CTNNA3: variants seen among roughly 807,000 people sequenced by gnomAD.
CTNNA3 encodes catenin alpha 3, also known as catenin alpha-3.
Under a neutral mutation model 95.7 loss-of-function variants are expected in CTNNA3, and 76 were observed. The observed-to-expected ratio is 0.79, with a 90% CI of 0.66 to 0.96. The LOEUF (loss-of-function observed/expected upper bound fraction) is 0.96. CTNNA3 is among the 40% of genes least tolerant of loss of function. The pLI is 0.00. For missense variants in CTNNA3, 1,191 were observed against 1,089.8 expected, an observed-to-expected ratio of 1.09 and a Z score of -1.31; for synonymous variants, 431 against 374.4, an observed-to-expected ratio of 1.15 and a Z score of -1.74.
In CTNNA3 at chr10:66,331,985, G is replaced by T. The variant is rs150355988; in HGVS notation, c.1732+47167C>A. The stretch of plus-strand genomic sequence containing the variant: ...TATCGTCTTTTATTTGGATTCCTAG[G>T]TATTTTATTCTCTTTGAAGCAATTG... On this transcript the variant is annotated intron_variant, in intron 12 of 17. Transcript: ENST00000433211. 6.6e-5 allele frequency among the ~76,000 whole-genome samples: 10 copies of T among 151,638 alleles called. 1 individual carries two copies. Among genetic ancestry groups the T allele is most frequent in the South Asian group, 2.1e-4 (1 of 4,820 alleles).
intron 15 of CTNNA3, among the ~76,000 whole-genome samples, chr10:66,036,817 C>T (rs2079571980): frequency 6.7e-6 from 1 of 150,258 alleles, no homozygotes; most frequent in South Asian, 2.1e-4. Context: ...GACTATATTA[C>T]AGAGACTTAT....
At chr10:66,646,452 T>A (rs1182505251) in intron 9 of CTNNA3, among the ~76,000 whole-genome samples, 1 of 152,104 alleles carries the variant, frequency 6.6e-6, no homozygotes, top group Non-Finnish European at 1.5e-5. Flanking sequence ...AGTGCTGACC[T>A]TTTTTGGGGC....
chr10:66,602,747 A>G (rs564070571), intron 10 of CTNNA3, among the ~76,000 whole-genome samples: 8 of 152,092 alleles, frequency 5.3e-5, no homozygotes, highest in Non-Finnish European at 7.4e-5. Context: ...ATCATTCACC[A>G]TGACCAAGTA....
chr10:66,561,129 C>T (rs2132134290), intron 10 of CTNNA3, among the ~76,000 whole-genome samples: 1 of 152,138 alleles, frequency 6.6e-6, no homozygotes. Flanking sequence ...CCAGTAACAT[C>T]ACTACAAGTT....
At chr10:67,127,655 T>G (rs1859781376) in intron 7 of CTNNA3, among the ~76,000 whole-genome samples, 1 of 152,190 alleles carries the variant, frequency 6.6e-6, no homozygotes, top group African/African-American at 2.4e-5. Flanking sequence ...TAACATTGTG[T>G]GGGAAGTACC....
intron 2 of CTNNA3, among the ~76,000 whole-genome samples, chr10:67,621,443 G>A (rs1485941747): frequency 6.6e-6 from 1 of 152,032 alleles, no homozygotes; most frequent in Non-Finnish European, 1.5e-5. Context: ...GTGCAGAGTA[G>A]CTCCATGAGA....
intron 7 of CTNNA3, among the ~76,000 whole-genome samples, chr10:67,153,582 A>C (rs1404211780): frequency 2.0e-5 from 3 of 152,248 alleles, no homozygotes; most frequent in African/African-American, 7.2e-5. Flanking sequence ...GTTCTCCGAC[A>C]GCAGCGATCT....
At chr10:67,074,076 T>G (rs10997494) in intron 7 of CTNNA3, among the ~76,000 whole-genome samples, 70,426 of 137,946 alleles carry the variant, frequency 0.51, 18,568 homozygotes, top group Middle Eastern at 0.62. Context: ...TGGCTCTGTC[T>G]CCAGGCTGGA....
chr10:67,432,048 C>A (rs1846126378), intron 5 of CTNNA3, among the ~76,000 whole-genome samples: 1 of 151,872 alleles, frequency 6.6e-6, no homozygotes, highest in African/African-American at 2.4e-5. Flanking sequence ...ATATTTTGAA[C>A]TGAATAAAAA....
intron 9 of CTNNA3, among the ~76,000 whole-genome samples, chr10:66,655,854 C>A (rs1357772291): frequency 6.6e-6 from 1 of 151,978 alleles, no homozygotes; most frequent in African/African-American, 2.4e-5. Flanking sequence ...AGGTAAATGG[C>A]AGAAAGTATA....
intron 7 of CTNNA3, among the ~76,000 whole-genome samples, chr10:66,930,093 GAGGAAAAATCT>G (rs1253892372): frequency 2.0e-5 from 3 of 151,990 alleles, no homozygotes; most frequent in Non-Finnish European, 4.4e-5. Flanking sequence ...CATATGCTGA[GAGGAAAAATCT>G]AGGCAAGTCA....
intron 9 of CTNNA3, among the ~76,000 whole-genome samples, chr10:66,717,410 T>C (rs1848487227): frequency 6.6e-6 from 1 of 152,190 alleles, no homozygotes; most frequent in South Asian, 2.1e-4. Context: ...ATTTATGGCA[T>C]AGTATTATAA....
chr10:66,850,974 A>T (rs1025882466), intron 7 of CTNNA3, among the ~76,000 whole-genome samples: 3 of 152,094 alleles, frequency 2.0e-5, no homozygotes, highest in African/African-American at 7.2e-5. Context: ...TTATTTTTCT[A>T]AACTATTATA....
At chr10:67,254,688 T>C (rs1866263044) in intron 5 of CTNNA3, among the ~76,000 whole-genome samples, 1 of 152,230 alleles carries the variant, frequency 6.6e-6, no homozygotes, top group African/African-American at 2.4e-5. Flanking sequence ...TTACCTTTTC[T>C]ATGTTTAGAT....
intron 13 of CTNNA3, among the ~76,000 whole-genome samples, chr10:66,175,788 C>T (rs895478291): frequency 1.3e-5 from 2 of 152,126 alleles, no homozygotes; most frequent in Non-Finnish European, 1.5e-5. Flanking sequence ...TAAAGAACCA[C>T]AAAAATGCCA....
intron 17 of CTNNA3, among the ~76,000 whole-genome samples, chr10:65,947,845 G>A (rs2077541903): frequency 6.6e-6 from 1 of 152,202 alleles, no homozygotes; most frequent in South Asian, 2.1e-4. Context: ...ATGTGAATGA[G>A]AGCCTGAGGC....
chr10:67,582,852 G>T (rs1174168001), intron 3 of CTNNA3, among the ~76,000 whole-genome samples: 3 of 151,926 alleles, frequency 2.0e-5, no homozygotes, highest in Non-Finnish European at 4.4e-5. Context: ...TTCATTTAAA[G>T]TCTGTTTTAT....
intron 12 of CTNNA3, among the ~76,000 whole-genome samples, chr10:66,293,540 G>A (rs1237783990): frequency 6.6e-6 from 1 of 151,998 alleles, no homozygotes; most frequent in Non-Finnish European, 1.5e-5. Flanking sequence ...GAAAATTCCA[G>A]TAGTATTCTA....
chr10:66,425,107 TA>T (rs2093228107), intron 11 of CTNNA3, among the ~76,000 whole-genome samples: 1 of 149,268 alleles, frequency 6.7e-6, no homozygotes, highest in Admixed American at 6.7e-5. Flanking sequence ...AATATATTGT[TA>T]TTTAAAAAAA....
Sources: allele counts gnomAD v4.1 joint callset (sites outside exome capture counted in the v4.1 genomes callset), GRCh38; gene constraint gnomAD v4.1.1; transcripts MANE v1.5; gene names NCBI Gene and HGNC (gene_info 2026-07-23, HGNC 2026-07-21).